FER1L6: variants seen among roughly 807,000 people sequenced by gnomAD.
The protein encoded by FER1L6 is fer-1 like family member 6.
In FER1L6, 177 loss-of-function variants were observed where a neutral mutation model predicts 219.2. That is an observed-to-expected ratio of 0.81 (90% CI 0.71 to 0.91). The LOEUF (loss-of-function observed/expected upper bound fraction) is 0.91, where lower values mean the gene tolerates loss of function less well. Among genes scored for constraint, FER1L6 ranks in the 40% least tolerant of loss-of-function variants. The pLI, the probability that FER1L6 is intolerant of heterozygous loss-of-function variation, is 0.00. For synonymous variants in FER1L6, 768 were observed against 824.3 expected, an observed-to-expected ratio of 0.93 and a Z score of 1.17; for missense variants, 2,153 against 2,259.9, an observed-to-expected ratio of 0.95 and a Z score of 0.96.
intron 11 of FER1L6, 93 bp from the exon 12 acceptor site, chr8:123,985,975 T>C: frequency 2.8e-6 from 2 of 715,282 alleles, no homozygotes; most frequent in Non-Finnish European, 4.9e-6. Flanking sequence ...CAAATGTTTA[T>C]AAATTATGCT....
At chr8:123,895,465 A>T (rs1009985427) in intron 1 of FER1L6, among the ~76,000 whole-genome samples, 3 of 152,164 alleles carry the variant, frequency 2.0e-5, no homozygotes, top group African/African-American at 7.2e-5. Context: ...TCTTCATAAC[A>T]ACCCCATGAG....
intron 3 of FER1L6, among the ~76,000 whole-genome samples, chr8:123,964,657 A>G (rs1051394841): frequency 2.6e-5 from 4 of 152,182 alleles, no homozygotes; most frequent in African/African-American, 9.7e-5. Context: ...GGGTGATAGC[A>G]TTGAGTGGAG....
At chr8:124,102,492 G>T (rs1344988014) in intron 38 of FER1L6, among the ~76,000 whole-genome samples, 1 of 152,152 alleles carries the variant, frequency 6.6e-6, no homozygotes, top group African/African-American at 2.4e-5. Context: ...ATGAAATTAT[G>T]AAAAATTTTT....
At chr8:124,004,396 T>G (rs1375276499) in intron 13 of FER1L6, among the ~76,000 whole-genome samples, 1 of 152,216 alleles carries the variant, frequency 6.6e-6, no homozygotes, top group Non-Finnish European at 1.5e-5. Flanking sequence ...CCATTTTGTA[T>G]GCGAAGAGAA....
chr8:124,076,787 A>C (rs1346772723), intron 32 of FER1L6, among the ~76,000 whole-genome samples: 1 of 152,198 alleles, frequency 6.6e-6, no homozygotes, highest in Non-Finnish European at 1.5e-5. Context: ...AGATGACACA[A>C]TTGGAGAATA....
At chr8:123,988,949 A>C (rs1032649321) in intron 12 of FER1L6, among the ~76,000 whole-genome samples, 1 of 152,100 alleles carries the variant, frequency 6.6e-6, no homozygotes, top group East Asian at 1.9e-4. Flanking sequence ...TTGGTGTGAA[A>C]CTAGCTGTGG....
intron 1 of FER1L6, among the ~76,000 whole-genome samples, chr8:123,937,119 T>A (rs59882065): frequency 3.3e-5 from 5 of 152,156 alleles, no homozygotes; most frequent in African/African-American, 1.2e-4. Context: ...TTGGCCAGGC[T>A]GGTCTCGAAC....
chr8:124,098,123 C>T (rs1463789352), intron 37 of FER1L6, among the ~76,000 whole-genome samples: 3 of 152,122 alleles, frequency 2.0e-5, no homozygotes, highest in Admixed American at 6.6e-5. Flanking sequence ...TTCAGTTAAA[C>T]GTTGGATACC....
At chr8:123,889,089 G>T (rs1237909318) in intron 1 of FER1L6, among the ~76,000 whole-genome samples, 4 of 152,090 alleles carry the variant, frequency 2.6e-5, no homozygotes, top group African/African-American at 9.7e-5. Flanking sequence ...TGGCACAGAA[G>T]GTTATAAAAC....
intron 1 of FER1L6, among the ~76,000 whole-genome samples, chr8:123,950,679 C>T (rs926699060): frequency 1.3e-5 from 2 of 152,150 alleles, no homozygotes; most frequent in African/African-American, 4.8e-5. Flanking sequence ...ATTTGAATCT[C>T]ATTATAATGC....
In FER1L6 at chr8:123,903,833, G is replaced by A. The variant is rs1255612531; in HGVS notation, c.-8+51648G>A. On this transcript the variant is annotated intron_variant, in intron 1 of 40. Transcript: ENST00000522917. ...GGGAAGGCAAATTATAGCACAAAAG[G>A]AAGCAAGACAAGGGATGCTGGGCAC... Among the ~76,000 whole-genome samples, 3 of 152,158 alleles carry A rather than the reference G, an allele frequency of 2.0e-5. No homozygotes were observed. In the East Asian group the frequency reaches 5.8e-4, roughly 29 times the overall value.
At chr8:123,958,274 C>T (rs1388418516) in intron 2 of FER1L6, among the ~76,000 whole-genome samples, 1 of 152,198 alleles carries the variant, frequency 6.6e-6, no homozygotes, top group African/African-American at 2.4e-5. Context: ...CGGATCTATT[C>T]TCCACCCTTA....
intron 1 of FER1L6, among the ~76,000 whole-genome samples, chr8:123,854,258 T>C (rs780815986): frequency 6.6e-6 from 1 of 152,070 alleles, no homozygotes; most frequent in Non-Finnish European, 1.5e-5. Context: ...GAGAAAAAAA[T>C]ATTACCTGCA....
intron 1 of FER1L6, among the ~76,000 whole-genome samples, chr8:123,912,250 C>A (rs1185590783): frequency 6.7e-6 from 1 of 150,196 alleles, no homozygotes; most frequent in African/African-American, 2.5e-5. Context: ...AAACTGAGAC[C>A]CAGGGACATT....
At chr8:123,873,135 T>A (rs914528861) in intron 1 of FER1L6, among the ~76,000 whole-genome samples, 7 of 152,128 alleles carry the variant, frequency 4.6e-5, no homozygotes, top group Non-Finnish European at 1.0e-4. Context: ...ACTCACAATC[T>A]TAGAACCATG....
intron 1 of FER1L6, among the ~76,000 whole-genome samples, chr8:123,929,007 C>A (rs16899069): frequency 0.035 from 5,367 of 152,174 alleles, 289 homozygotes; most frequent in African/African-American, 0.12. Context: ...AGTGTGAATC[C>A]GTGAGTTTGG....
intron 36 of FER1L6, 147 bp from the exon 37 acceptor site, chr8:124,097,638 G>C (rs1243571519): frequency 8.1e-6 from 5 of 615,508 alleles, no homozygotes; most frequent in Admixed American, 5.8e-5. Context: ...ACTTGGTTCT[G>C]ACAGAACCAA....
At chr8:124,037,396 C>T (rs1468985562) in intron 19 of FER1L6, among the ~76,000 whole-genome samples, 1 of 152,210 alleles carries the variant, frequency 6.6e-6, no homozygotes, top group Non-Finnish European at 1.5e-5. Flanking sequence ...AACATTCCAT[C>T]ATTTACTGTT....
chr8:124,009,994 T>C (rs1259929789), intron 13 of FER1L6, among the ~76,000 whole-genome samples: 1,305 of 146,278 alleles, frequency 8.9e-3, no homozygotes, highest in East Asian at 0.039. Context: ...GTCTGCAAGC[T>C]GGCGACCCGG....
Sources: allele counts gnomAD v4.1 joint callset (sites outside exome capture counted in the v4.1 genomes callset), GRCh38; gene constraint gnomAD v4.1.1; transcripts MANE v1.5; gene names NCBI Gene and HGNC (gene_info 2026-07-23, HGNC 2026-07-21).